Variants in PCDH15 observed in about 807,000 individuals in gnomAD.
PCDH15 encodes protocadherin related 15.
A neutral mutation model predicts 178.5 loss-of-function variants in PCDH15; 129 were observed. The ratio of observed to expected loss-of-function variants is 0.72; its 90% CI spans 0.63 to 0.84. PCDH15 has a LOEUF of 0.84. PCDH15 is among the 40% of genes least tolerant of loss of function. The pLI is 0.00. For missense variants in PCDH15, 2,230 were observed against 2,099.9 expected, an observed-to-expected ratio of 1.06 and a Z score of -1.21; for synonymous variants, 800 against 732.0, an observed-to-expected ratio of 1.09 and a Z score of -1.50.
chr10:53,825,628 G>T (rs1421007272), intron 32 of PCDH15, among the ~76,000 whole-genome samples: 1 of 151,458 alleles, frequency 6.6e-6, no homozygotes, highest in African/African-American at 2.4e-5. Context: ...GTTATCATAC[G>T]AAGTTATTAC....
chr10:54,111,534 T>C (rs1043817106), intron 15 of PCDH15, among the ~76,000 whole-genome samples: 1 of 152,178 alleles, frequency 6.6e-6, no homozygotes, highest in Non-Finnish European at 1.5e-5. Flanking sequence ...AAGTTTTCAC[T>C]TTCTACTATA....
chr10:54,114,303 A>G (rs2132748806), intron 15 of PCDH15, among the ~76,000 whole-genome samples: 1 of 152,330 alleles, frequency 6.6e-6, no homozygotes, highest in East Asian at 1.9e-4. Flanking sequence ...TTAGTAAAAA[A>G]CAAGATGGTT....
chr10:55,438,318 C>A (rs930594542), intron 2 of PCDH15, among the ~76,000 whole-genome samples: 3 of 152,002 alleles, frequency 2.0e-5, no homozygotes, highest in Middle Eastern at 3.4e-3. Flanking sequence ...TATAAAATAT[C>A]TTTTCCCCTG....
At chr10:55,612,024 G>A (rs1028189898) in intron 2 of PCDH15, among the ~76,000 whole-genome samples, 4 of 151,934 alleles carry the variant, frequency 2.6e-5, no homozygotes, top group African/African-American at 9.7e-5. Context: ...TGGAGGAGGC[G>A]GGATAGACAG....
chr10:54,983,571 T>C (rs931505480), intron 2 of PCDH15, among the ~76,000 whole-genome samples: 1 of 152,140 alleles, frequency 6.6e-6, no homozygotes, highest in Non-Finnish European at 1.5e-5. Flanking sequence ...AGGGTCACTA[T>C]TGATTAATTT....
At chr10:55,305,572 T>G (rs1024157048) in intron 1 of PCDH15, among the ~76,000 whole-genome samples, 9 of 152,196 alleles carry the variant, frequency 5.9e-5, no homozygotes, top group African/African-American at 2.2e-4. Context: ...GGATGACATG[T>G]GATTTATTTC....
At chr10:55,268,403 A>T (rs1842356227) in intron 1 of PCDH15, among the ~76,000 whole-genome samples, 2 of 152,188 alleles carry the variant, frequency 1.3e-5, no homozygotes. Flanking sequence ...GATTTATGAG[A>T]TAATATGGAT....
chr10:54,637,336 G>A (rs968043805), intron 2 of PCDH15, among the ~76,000 whole-genome samples: 4 of 151,852 alleles, frequency 2.6e-5, no homozygotes, highest in Admixed American at 6.6e-5. Context: ...ACACTAATTT[G>A]TTACCTTATA....
At chr10:55,533,177 A>G (rs1841493263) in intron 2 of PCDH15, among the ~76,000 whole-genome samples, 1 of 152,092 alleles carries the variant, frequency 6.6e-6, no homozygotes, top group Non-Finnish European at 1.5e-5. Context: ...CAAGGTAAGG[A>G]TGCCCTCTCT....
intron 13 of PCDH15, among the ~76,000 whole-genome samples, chr10:54,176,649 T>G (rs760331667): frequency 6.6e-6 from 1 of 152,178 alleles, no homozygotes; most frequent in African/African-American, 2.4e-5. Context: ...CTTCCTTCCA[T>G]TGGTAGGTTT....
chr10:55,308,819 A>C (rs1278236839), intron 1 of PCDH15, among the ~76,000 whole-genome samples: 1 of 152,190 alleles, frequency 6.6e-6, no homozygotes, highest in Non-Finnish European at 1.5e-5. Context: ...ATTGCTAAAG[A>C]CTTTTGTGGA....
intron 3 of PCDH15, among the ~76,000 whole-genome samples, chr10:54,501,919 CA>C (rs1296527745): frequency 1.3e-5 from 2 of 151,880 alleles, no homozygotes; most frequent in Admixed American, 6.6e-5. Context: ...CATGCATATC[CA>C]TCTGTAATTA....
At chr10:54,810,991 G>T (rs751382115) in intron 3 of PCDH15, among the ~76,000 whole-genome samples, 18 of 152,048 alleles carry the variant, frequency 1.2e-4, no homozygotes, top group Non-Finnish European at 2.2e-4. Context: ...AGAGCAAAAA[G>T]TATCTGTAGA....
In PCDH15 at chr10:55,540,746, T is replaced by C. The variant is rs564856729; in HGVS notation, c.-156+86879A>G. Among the ~76,000 whole-genome samples, 5 of 152,154 alleles carry C rather than the reference T, an allele frequency of 3.3e-5. No individual in the cohort carries two copies. In the East Asian group the frequency reaches 5.8e-4, roughly 18 times the overall value. On this transcript the variant is annotated intron_variant, in intron 2 of 5. Coordinates refer to the PCDH15 transcript ENST00000613346. Reference sequence around the variant, plus strand: ...ATATGTTCCCCAATATTATTGAAAATGATGATATGTTTTGAACTGAATTAT... The same window carrying C: ...ATATGTTCCCCAATATTATTGAAAACGATGATATGTTTTGAACTGAATTAT...
chr10:54,722,339 A>G (rs1941758956), intron 1 of PCDH15, among the ~76,000 whole-genome samples: 1 of 151,834 alleles, frequency 6.6e-6, no homozygotes, highest in East Asian at 1.9e-4. Flanking sequence ...CTTATTCAAC[A>G]TAGTAGTGGA....
Position 54,499,571 on chromosome 10 carries a change from C to T in PCDH15, c.157+28241G>A, listed in dbSNP as rs551304184. 4.6e-5 allele frequency among the ~76,000 whole-genome samples: 7 copies of T among 152,094 alleles called. No individual in the cohort carries two copies. The South Asian group carries it at 1.2e-3, about 27-fold the overall frequency. On this transcript the variant is annotated intron_variant, in intron 3 of 37. Transcript: ENST00000644397. ...ATTAAACAACTTGCTCCTGAATGAC[C>T]TTTGAATAAACAATAAAATTTAGGC...
At chr10:54,728,388 C>T (rs1322518501) in intron 1 of PCDH15, among the ~76,000 whole-genome samples, 2 of 151,314 alleles carry the variant, frequency 1.3e-5, no homozygotes, top group African/African-American at 2.4e-5. Flanking sequence ...AATTCAGTGT[C>T]CCTTTATGGT....
chr10:54,982,776 T>C (rs1839270262), intron 2 of PCDH15, among the ~76,000 whole-genome samples: 1 of 152,166 alleles, frequency 6.6e-6, no homozygotes, highest in Admixed American at 6.6e-5. Context: ...TTTGTTAACC[T>C]AGCAATTTTA....
In PCDH15 at chr10:54,347,353, A is replaced by G. The variant is rs373858960; in HGVS notation, c.475-869T>C. On this transcript the variant is annotated intron_variant, in intron 5 of 37. Transcript: ENST00000644397. ...CCCCTCAAATAGCATTACACACGCC[A>G]CATCAGAAGATGATTCCCCTTTTCT... Among the ~76,000 whole-genome samples, 11 of 152,106 alleles carry G rather than the reference A, an allele frequency of 7.2e-5. No homozygotes were observed. The East Asian group carries it at 1.7e-3, about 24-fold the overall frequency.
Sources: allele counts gnomAD v4.1 joint callset (sites outside exome capture counted in the v4.1 genomes callset), GRCh38; gene constraint gnomAD v4.1.1; transcripts MANE v1.5; gene names NCBI Gene and HGNC (gene_info 2026-07-23, HGNC 2026-07-21).